URB1: variants seen among roughly 807,000 people sequenced by gnomAD.
URB1 encodes the protein URB1 ribosome biogenesis factor.
Under a neutral mutation model 242.3 loss-of-function variants are expected in URB1, and 197 were observed. The ratio of observed to expected loss-of-function variants is 0.81; its 90% confidence interval spans 0.72 to 0.91. The LOEUF (loss-of-function observed/expected upper bound fraction) is 0.91. Ranked by LOEUF, URB1 falls within the 40% of genes least tolerant of loss-of-function variation. URB1 has a pLI of 0.00. For missense variants in URB1, 2,721 were observed against 2,860.5 expected, an observed-to-expected ratio of 0.95 and a Z score of 1.11; for synonymous variants, 1,153 against 1,201.8, an observed-to-expected ratio of 0.96 and a Z score of 0.84.
chr21:32,333,656 T>G (rs574226965), intron 29 of URB1, among the ~76,000 whole-genome samples: 6 of 152,186 alleles, frequency 3.9e-5, no homozygotes, highest in Non-Finnish European at 8.8e-5. Flanking sequence ...TTAAGATAAT[T>G]TTGTGCATGA....
chr21:32,349,184 G>A, intron 21 of URB1, 120 bp downstream of exon 21: 3 of 1,321,824 alleles, frequency 2.3e-6, no homozygotes, highest in Non-Finnish European at 3.0e-6. Context: ...GATCTCTGCT[G>A]TAGTTTCTGC....
intron 34 of URB1, among the ~76,000 whole-genome samples, chr21:32,321,095 C>G (rs1342318919): frequency 6.6e-6 from 1 of 152,238 alleles, no homozygotes; most frequent in Non-Finnish European, 1.5e-5. Flanking sequence ...CTTCAGAATT[C>G]TCACATGCCA....
At chr21:32,392,100 G>A (rs1333062334) in intron 1 of URB1, among the ~76,000 whole-genome samples, 1 of 152,162 alleles carries the variant, frequency 6.6e-6, no homozygotes, top group African/African-American at 2.4e-5. Flanking sequence ...TTTAACCTGG[G>A]AGAAAAACTG....
In URB1 at chr21:32,314,764, C is replaced by A; in HGVS notation, c.*154G>T. On this transcript the variant is annotated 3_prime_UTR_variant, in exon 39 of 39. Transcript: ENST00000382751. The stretch of plus-strand genomic sequence containing the variant: ...ATTTACTGGGCAGTTCAATAAAGTC[C>A]TCTCAACTTTTCTTGTCAAAGAACT... 2 of 1,431,250 alleles carry A rather than the reference C, an allele frequency of 1.4e-6. No individual in the cohort carries two copies. The highest frequency in any genetic ancestry group is 1.9e-6 in the Non-Finnish European group (2 of 1,039,798). 88.7% of individuals were successfully genotyped at this position (1,431,250 alleles called of 1,614,324 possible).
rs1001023331 is a variant in URB1, at chr21:32,361,873, C to T, written c.1639+19G>A. On this transcript the variant is annotated intron_variant, in intron 12 of 38. Transcript: ENST00000382751. ...CCCATGCAAAAGGCAGAGGGTCCCC[C>T]TCACCCCTGAGACCTTACCGCACTG... 5 of 1,549,546 alleles carry T rather than the reference C, an allele frequency of 3.2e-6. No individual in the cohort carries two copies. The African/African-American group carries it at 6.8e-5, about 21-fold the overall frequency.
Position 32,325,229 on chromosome 21 carries a change from C to T in URB1, c.5121G>A (p.Gln1707=), listed in dbSNP as rs561713010. 6.5e-5 allele frequency: 100 copies of T among 1,549,624 alleles called. 2 individuals are homozygous for T. The South Asian group carries it at 1.1e-3, about 18-fold the overall frequency. Residue 1707 remains glutamine (Q), a splice_region_variant and synonymous_variant, in exon 31 of 39, where the codon CAG becomes CAA. Transcript: ENST00000382751. ...LEGARFQEQS[Q]LLYLLDVVRN... is the part of the protein sequence containing the mutation. ...TAGGATGTACGCTCTTCCTACTTAC[C>T]TGGGACTGCTCTTGGAACCGTGCGC...
chr21:32,390,804 T>C (rs1029251422), intron 1 of URB1, among the ~76,000 whole-genome samples: 2 of 152,174 alleles, frequency 1.3e-5, no homozygotes, highest in African/African-American at 4.8e-5. Flanking sequence ...TGGAAGTCAG[T>C]GTGGCGATTC....
chr21:32,346,989 T>G lies in URB1; in HGVS notation c.3835A>C (p.Arg1279=). 1 of 1,535,198 alleles carries G rather than the reference T, an allele frequency of 6.5e-7. No homozygotes were observed. Among genetic ancestry groups the G allele is most frequent in the Non-Finnish European group, 8.8e-7 (1 of 1,134,824 alleles). ...GGGCGTGTGAAGTGGCTCCGTGTCCTGCACTGGAGGTACACATGGATGAGG... is the reference window on the plus strand; with the variant it reads ...GGGCGTGTGAAGTGGCTCCGTGTCCGGCACTGGAGGTACACATGGATGAGG... ...LPLIHVYLQC[R]TRSHFTRPAG... is the part of the protein sequence containing the mutation. Residue 1279 remains arginine (R), a synonymous_variant, in exon 22 of 39, where the codon AGG becomes CGG. Coordinates refer to ENST00000382751, the MANE Select transcript of URB1 (RefSeq NM_014825.3).
In URB1 at chr21:32,314,247, C is replaced by T. The variant is rs2032641368; in HGVS notation, c.*671G>A. 1 of 331,712 alleles carries T rather than the reference C, an allele frequency of 3.0e-6. No individual in the cohort carries two copies. Among genetic ancestry groups the T allele is most frequent in the South Asian group, 2.8e-5 (1 of 35,624 alleles). 20.5% of individuals were successfully genotyped at this position (331,712 alleles called of 1,614,324 possible). On this transcript the variant is annotated 3_prime_UTR_variant, in exon 39 of 39. Coordinates refer to ENST00000382751, the MANE Select transcript of URB1 (RefSeq NM_014825.3). ...TCACCTAGGCTGGAGCGCAATGGCACGATCTCAGCTCACTGTAGCCTCCAC... is the reference window on the plus strand; with the variant it reads ...TCACCTAGGCTGGAGCGCAATGGCATGATCTCAGCTCACTGTAGCCTCCAC...
intron 15 of URB1, among the ~76,000 whole-genome samples, chr21:32,356,123 G>A (rs1461712078): frequency 6.6e-6 from 1 of 152,242 alleles, no homozygotes; most frequent in Non-Finnish European, 1.5e-5. Flanking sequence ...GCTCATGCCT[G>A]TAATCTCAGC....
chr21:32,368,512 A>T lies in URB1; in HGVS notation c.1088T>A (p.Ile363Asn). Residue 363 changes from isoleucine (I) to asparagine (N), a missense_variant, in exon 9 of 39, where the codon ATC (isoleucine) becomes AAC (asparagine). Physicochemically the swap from Ile to Asn is moderately radical, Grantham distance 149 (BLOSUM62 -3). Coordinates refer to ENST00000382751, the MANE Select transcript of URB1 (RefSeq NM_014825.3). The part of the protein sequence containing the change: ...DDLVADLVVN[I>N]LKVCPDLLNK... ...CAGTAAGTCCGGGCACACTTTGAGG[A>T]TGTTTACCACAAGGTCAGCCACCAG... 2 of 1,551,810 alleles carry T rather than the reference A, an allele frequency of 1.3e-6. No individual in the cohort carries two copies. The highest frequency in any genetic ancestry group is 1.7e-6 in the Non-Finnish European group (2 of 1,147,022).
intron 8 of URB1, among the ~76,000 whole-genome samples, chr21:32,370,942 C>G (rs1403690505): frequency 6.6e-6 from 1 of 152,212 alleles, no homozygotes; most frequent in African/African-American, 2.4e-5. Context: ...ACTGGAGGCC[C>G]ATAATAGACC....
chr21:32,387,711 C>A (rs1291992595), intron 1 of URB1, among the ~76,000 whole-genome samples: 1 of 151,758 alleles, frequency 6.6e-6, no homozygotes, highest in Non-Finnish European at 1.5e-5. Flanking sequence ...AAGAAATACA[C>A]TACAGTCTTC....
intron 8 of URB1, among the ~76,000 whole-genome samples, chr21:32,369,818 T>A (rs2033387033): frequency 6.6e-6 from 1 of 151,874 alleles, no homozygotes; most frequent in African/African-American, 2.4e-5. Flanking sequence ...GTGGAAAAAA[T>A]CTACCGTAGA....
At position 32,380,313 on chromosome 21, in the gene URB1, C is replaced by A. The variant is rs957666652; in HGVS notation, c.568-1772G>T. ...CACTCATTACATTTATTGAGTTTAT[C>A]CCCGTCCATGTCACACAGCATCTCA... On this transcript the variant is annotated intron_variant, in intron 4 of 38. Transcript: ENST00000382751. Among the ~76,000 whole-genome samples, 3 of 152,292 alleles carry A rather than the reference C, an allele frequency of 2.0e-5. No individual in the cohort carries two copies. In the East Asian group the frequency reaches 5.8e-4, roughly 29 times the overall value.
At chr21:32,324,290 G>A (rs934061803) in intron 32 of URB1, among the ~76,000 whole-genome samples, 1 of 152,180 alleles carries the variant, frequency 6.6e-6, no homozygotes, top group Admixed American at 6.5e-5. Flanking sequence ...GGTCCATGAC[G>A]AGCTTCCTCA....
chr21:32,390,849 C>T (rs571930323), intron 1 of URB1, among the ~76,000 whole-genome samples: 16 of 152,162 alleles, frequency 1.1e-4, no homozygotes, highest in Non-Finnish European at 2.1e-4. Flanking sequence ...CCATTTGACC[C>T]AGTCATCCCA....
intron 10 of URB1, among the ~76,000 whole-genome samples, chr21:32,363,714 T>G (rs891134761): frequency 1.3e-5 from 2 of 152,036 alleles, no homozygotes; most frequent in Non-Finnish European, 2.9e-5. Context: ...CAGGCTGGAG[T>G]GCAATGGTGC....
chr21:32,386,686 A>T (rs2033587051), intron 1 of URB1, among the ~76,000 whole-genome samples: 1 of 152,158 alleles, frequency 6.6e-6, no homozygotes, highest in Non-Finnish European at 1.5e-5. Context: ...TAACAAGAAA[A>T]ACCATATAGA....
Sources: allele counts gnomAD v4.1 joint callset (sites outside exome capture counted in the v4.1 genomes callset), GRCh38; gene constraint gnomAD v4.1.1; transcripts MANE v1.5; gene names NCBI Gene and HGNC (gene_info 2026-07-23, HGNC 2026-07-21).